ATG7: variants seen among roughly 807,000 people sequenced by gnomAD.
The protein encoded by ATG7 is autophagy related 7.
In ATG7, 70 loss-of-function variants were observed where a neutral mutation model predicts 82.4. The observed-to-expected ratio is 0.85, with a 90% CI of 0.70 to 1.04. ATG7 has a LOEUF of 1.04. Among genes scored for constraint, ATG7 ranks in the 50% least tolerant of loss-of-function variants. The pLI, the probability that ATG7 is intolerant of heterozygous loss-of-function variation, is 0.00. For missense variants in ATG7, 792 were observed against 864.3 expected (o/e 0.92, Z 1.05); for synonymous variants, 287 against 313.0 (o/e 0.92, Z 0.88).
At chr3:11,509,700 T>C (rs922864827) in intron 20 of ATG7, among the ~76,000 whole-genome samples, 1 of 152,220 alleles carries the variant, frequency 6.6e-6, no homozygotes, top group East Asian at 1.9e-4. Flanking sequence ...TAGGAAAATA[T>C]GATTCTGTTA....
At chr3:11,562,150 A>G (rs1345725291), downstream of ATG7, among the ~76,000 whole-genome samples, 1 of 150,998 alleles carries the variant, frequency 6.6e-6, no homozygotes, top group Non-Finnish European at 1.5e-5. Context: ...CGCCGCCTCA[A>G]CCCCCCAAAG....
chr3:11,429,755 C>T (rs2082695741), intron 20 of ATG7, among the ~76,000 whole-genome samples: 7 of 152,062 alleles, frequency 4.6e-5, no homozygotes. Flanking sequence ...TGAGACCAGC[C>T]TGGGCAACAC....
chr3:11,462,396 C>T (rs1205944895), intron 20 of ATG7, among the ~76,000 whole-genome samples: 1 of 152,066 alleles, frequency 6.6e-6, no homozygotes, highest in Non-Finnish European at 1.5e-5. Context: ...TGCAGGTCCA[C>T]AGGGGAAAGA....
chr3:11,489,897 G>C (rs1260071182), intron 20 of ATG7, among the ~76,000 whole-genome samples: 18 of 151,876 alleles, frequency 1.2e-4, no homozygotes, highest in African/African-American at 3.9e-4. Context: ...TTACTTCCAA[G>C]TATGTGGTCA....
chr3:11,314,380 T>C lies in ATG7; in HGVS notation c.528+960T>C, dbSNP rs535874661. Among the ~76,000 whole-genome samples, 238 of 150,320 alleles carry C rather than the reference T, an allele frequency of 1.6e-3. 1 individual carries two copies. Among genetic ancestry groups the C allele is most frequent in the African/African-American group, 5.3e-3 (216 of 40,782 alleles). On this transcript the variant is annotated intron_variant, in intron 8 of 20. Transcript: ENST00000693202. ...ATCATTCAGGGAGCTCTCTTGGAGC[T>C]GTTCAGGGAGCAGCCATTATTGATT...
rs181300591 is a variant in ATG7, at chr3:11,450,563, G to A, written c.2079+23637G>A. The stretch of plus-strand genomic sequence containing the variant: ...GAGTTTTGTCTACCATTCTCCATAA[G>A]TACATGGGAGACAACTGATGATTGG... On this transcript the variant is annotated intron_variant, in intron 20 of 20. Transcript: ENST00000693202. Among the ~76,000 whole-genome samples, 20 of 152,300 alleles carry A rather than the reference G, an allele frequency of 1.3e-4. 1 individual carries two copies. The highest frequency in any genetic ancestry group is 4.3e-4 in the African/African-American group (18 of 41,564).
intron 20 of ATG7, among the ~76,000 whole-genome samples, chr3:11,432,496 G>A (rs899903948): frequency 3.9e-5 from 6 of 152,044 alleles, no homozygotes; most frequent in African/African-American, 1.5e-4. Context: ...GGGACTTGAG[G>A]GAGAAGCTTG....
At chr3:11,327,356 G>A (rs1049634052) in intron 9 of ATG7, among the ~76,000 whole-genome samples, 11 of 152,146 alleles carry the variant, frequency 7.2e-5, no homozygotes, top group Admixed American at 2.0e-4. Context: ...CCTCTTTTAA[G>A]CAAATATTTT....
chr3:11,314,708 G>A (rs1949148558), intron 8 of ATG7, among the ~76,000 whole-genome samples: 1 of 152,138 alleles, frequency 6.6e-6, no homozygotes, highest in Non-Finnish European at 1.5e-5. Context: ...GCAGAGGTGA[G>A]CATACCACTT....
At chr3:11,294,241 A>C (rs1179071750) in intron 3 of ATG7, among the ~76,000 whole-genome samples, 1 of 151,664 alleles carries the variant, frequency 6.6e-6, no homozygotes, top group Non-Finnish European at 1.5e-5. Flanking sequence ...TTTTTATTTT[A>C]TTTTATTTTT....
intron 5 of ATG7, among the ~76,000 whole-genome samples, chr3:11,303,041 C>A (rs1023981921): frequency 6.6e-6 from 1 of 152,198 alleles, no homozygotes; most frequent in African/African-American, 2.4e-5. Flanking sequence ...CAGTCTTCTT[C>A]CATGTTGTGG....
At chr3:11,292,802 C>T (rs1026530159) in intron 3 of ATG7, among the ~76,000 whole-genome samples, 13,788 of 115,238 alleles carry the variant, frequency 0.12, 1,591 homozygotes, top group South Asian at 0.24. Context: ...TTCTTGGAAC[C>T]TCAGTTTCTT....
At chr3:11,446,425 AAGG>A (rs1304348992) in intron 20 of ATG7, 3 of 372,602 alleles carry the variant, frequency 8.1e-6, no homozygotes, top group African/African-American at 4.4e-5. Context: ...GCGTTATATA[AAGG>A]AGGAGACTCC....
At chr3:11,403,245 G>A (rs1576128406) in intron 19 of ATG7, among the ~76,000 whole-genome samples, 2 of 152,114 alleles carry the variant, frequency 1.3e-5, no homozygotes, top group African/African-American at 4.8e-5. Flanking sequence ...AGGAAGTCTT[G>A]ACAAGAGTCT....
At chr3:11,277,895 C>A (rs1382721196) in intron 1 of ATG7, among the ~76,000 whole-genome samples, 5 of 126,550 alleles carry the variant, frequency 4.0e-5, no homozygotes, top group Admixed American at 8.1e-5. Context: ...TTATAGACCC[C>A]CCCCCCCCCA....
chr3:11,454,142 ACTGGGTATCTG>A (rs1478723275), intron 20 of ATG7, among the ~76,000 whole-genome samples: 97 of 152,282 alleles, frequency 6.4e-4, no homozygotes, highest in African/African-American at 2.2e-3. Context: ...TAGAAACTAG[ACTGGGTATCTG>A]CTGGTTTTTC....
intron 20 of ATG7, among the ~76,000 whole-genome samples, chr3:11,515,704 T>C (rs2124861786): frequency 6.6e-6 from 1 of 152,270 alleles, no homozygotes; most frequent in African/African-American, 2.4e-5. Context: ...TCTCTCTCTC[T>C]CATACACATA....
intron 19 of ATG7, among the ~76,000 whole-genome samples, chr3:11,380,375 C>T (rs546522451): frequency 5.9e-5 from 9 of 152,286 alleles, no homozygotes; most frequent in African/African-American, 1.9e-4. Context: ...CTAGCCAGGA[C>T]CCTCATAGAG....
intron 1 of ATG7, among the ~76,000 whole-genome samples, chr3:11,277,900 C>A (rs150279792): frequency 1.5e-5 from 2 of 134,440 alleles, no homozygotes; most frequent in Non-Finnish European, 3.2e-5. Context: ...GACCCCCCCC[C>A]CCCCACCAGG....
Sources: allele counts gnomAD v4.1 joint callset (sites outside exome capture counted in the v4.1 genomes callset), GRCh38; gene constraint gnomAD v4.1.1; transcripts MANE v1.5; gene names NCBI Gene and HGNC (gene_info 2026-07-23, HGNC 2026-07-21).